TECRL: variants seen among roughly 807,000 people sequenced by gnomAD.
The protein encoded by TECRL is trans-2,3-enoyl-CoA reductase-like.
TECRL carries 63 observed loss-of-function variants against 52.8 expected under a neutral mutation model. The observed-to-expected ratio is 1.19, with a 90% CI of 0.97 to 1.47. The LOEUF (loss-of-function observed/expected upper bound fraction) is 1.47, where lower values mean the gene tolerates loss of function less well. TECRL is among the 40% of genes most tolerant of loss of function. The probability of loss-of-function intolerance (pLI) is 0.00; values close to 1 mark genes in which losing one functional copy is unlikely to be tolerated. For missense variants in TECRL, 482 were observed against 429.6 expected, an observed-to-expected ratio of 1.12 and a Z score of -1.08; for synonymous variants, 164 against 141.9, an observed-to-expected ratio of 1.16 and a Z score of -1.10.
chr4:64,317,971 C>T (rs1321590489), intron 4 of TECRL, among the ~76,000 whole-genome samples: 2 of 152,050 alleles, frequency 1.3e-5, no homozygotes, highest in African/African-American at 4.8e-5. Flanking sequence ...ATGAAGGTGG[C>T]CTCATAAAAC....
intron 5 of TECRL, 41 bp from the exon 6 acceptor site, chr4:64,309,972 A>C: frequency 7.4e-7 from 1 of 1,358,832 alleles, no homozygotes; most frequent in Non-Finnish European, 1.0e-6. Flanking sequence ...AATCCTTTTG[A>C]AGTTCTGGCT....
At chr4:64,286,371 C>T (rs543109087) in intron 9 of TECRL, among the ~76,000 whole-genome samples, 1 of 151,658 alleles carries the variant, frequency 6.6e-6, no homozygotes, top group African/African-American at 2.4e-5. Flanking sequence ...GGATATTAAG[C>T]AGATAAAAAG....
In TECRL at chr4:64,372,066, G is replaced by T. The variant is rs185980297; in HGVS notation, c.286+3106C>A. On this transcript the variant is annotated intron_variant, in intron 2 of 11. Coordinates refer to ENST00000381210, the MANE Select transcript of TECRL (RefSeq NM_001010874.5). ...CTAATAATTCTTTATTTTTCAGCTA[G>T]GTTTTTAAAATAATGTACAATTCCT... Among the ~76,000 whole-genome samples the T allele has an allele frequency of 7.3e-4, 111 of 151,738 alleles. 1 individual carries two copies. The highest frequency in any genetic ancestry group is 3.4e-3 in the Middle Eastern group (1 of 292).
chr4:64,333,984 A>G (rs1158075738), intron 2 of TECRL, among the ~76,000 whole-genome samples: 4 of 106,638 alleles, frequency 3.8e-5, no homozygotes, highest in Non-Finnish European at 5.4e-5. Context: ...AGATTGCGCC[A>G]CTGCAGTCCG....
chr4:64,348,454 TCACC>T (rs2109561420), intron 2 of TECRL, among the ~76,000 whole-genome samples: 1 of 152,310 alleles, frequency 6.6e-6, no homozygotes, highest in African/African-American at 2.4e-5. Flanking sequence ...CCATATAACT[TCACC>T]ATTGCCATTC....
At chr4:64,277,107 C>T, downstream of TECRL, 5 of 1,283,136 alleles carry the variant, frequency 3.9e-6, no homozygotes, top group Middle Eastern at 2.0e-4. Context: ...TTAAGATATC[C>T]TTTAACTAAG....
At chr4:64,399,274 A>G (rs1724176510) in intron 1 of TECRL, among the ~76,000 whole-genome samples, 1 of 152,188 alleles carries the variant, frequency 6.6e-6, no homozygotes, top group African/African-American at 2.4e-5. Context: ...TACTTCTCAT[A>G]GCCTAATTTC....
chr4:64,378,731 C>T (rs1423741597), intron 1 of TECRL, among the ~76,000 whole-genome samples: 5 of 151,808 alleles, frequency 3.3e-5, no homozygotes, highest in African/African-American at 4.8e-5. Context: ...AAATTGACAG[C>T]GCACAGTGAA....
intron 2 of TECRL, among the ~76,000 whole-genome samples, chr4:64,362,781 G>A (rs1052421473): frequency 2.6e-5 from 4 of 151,922 alleles, no homozygotes; most frequent in Non-Finnish European, 4.4e-5. Context: ...CTAAAAACAA[G>A]TGTACAATCA....
chr4:64,281,454 T>G lies in TECRL; in HGVS notation c.918+20A>C. On this transcript the variant is annotated intron_variant, in intron 10 of 11. Coordinates refer to ENST00000381210, the MANE Select transcript of TECRL (RefSeq NM_001010874.5). ...ATATCATGAATAGGATTCAAGCATT[T>G]ACATACATAAATAACATACCTCATA... is the stretch of plus-strand genomic sequence containing the variant. 1 of 1,436,164 alleles carries G rather than the reference T, an allele frequency of 7.0e-7. No homozygotes were observed. The highest frequency in any genetic ancestry group is 9.7e-7 in the Non-Finnish European group (1 of 1,030,802). The allele number at this position is 1,436,164 out of a possible 1,614,324, so 89.0% of individuals were successfully genotyped here. A position where few individuals can be genotyped will look rare whatever the true frequency, so the allele number is the denominator to read the frequency against.
In TECRL at chr4:64,408,564, T is replaced by C. The variant is rs540110784; in HGVS notation, c.234+554A>G. Among the ~76,000 whole-genome samples, 5 of 152,148 alleles carry C rather than the reference T, an allele frequency of 3.3e-5. 1 individual carries two copies. Among genetic ancestry groups the C allele is most frequent in the African/African-American group, 1.2e-4 (5 of 41,554 alleles). ...AAAACATTATTTTCATGAACTTAAA[T>C]AGTGTTTTTGAAGCAAGTAAACTTT... is the stretch of plus-strand genomic sequence containing the variant. On this transcript the variant is annotated intron_variant, in intron 1 of 11. Coordinates refer to ENST00000381210, the MANE Select transcript of TECRL (RefSeq NM_001010874.5).
At chr4:64,295,611 C>A (rs1402214766) in intron 8 of TECRL, among the ~76,000 whole-genome samples, 1 of 151,608 alleles carries the variant, frequency 6.6e-6, no homozygotes. Flanking sequence ...AGTTTACATA[C>A]ACTAACTCTG....
At chr4:64,332,273 T>C (rs1718693285) in intron 2 of TECRL, among the ~76,000 whole-genome samples, 1 of 152,302 alleles carries the variant, frequency 6.6e-6, no homozygotes, top group East Asian at 1.9e-4. Flanking sequence ...TTTCAGTAGT[T>C]ACCCTTAAAT....
chr4:64,303,171 TAGAA>T (rs1477780648), intron 7 of TECRL, among the ~76,000 whole-genome samples: 2 of 151,396 alleles, frequency 1.3e-5, no homozygotes, highest in Non-Finnish European at 3.0e-5. Flanking sequence ...ATTAAAGACT[TAGAA>T]AGTGATAAGA....
At chr4:64,344,618 A>G (rs1719820461) in intron 2 of TECRL, among the ~76,000 whole-genome samples, 1 of 152,218 alleles carries the variant, frequency 6.6e-6, no homozygotes, top group Non-Finnish European at 1.5e-5. Context: ...AACAAAGTGT[A>G]ATTTAAAATT....
At chr4:64,359,024 A>G (rs984418222) in intron 2 of TECRL, among the ~76,000 whole-genome samples, 2 of 151,880 alleles carry the variant, frequency 1.3e-5, no homozygotes, top group Admixed American at 6.6e-5. Context: ...TTAAAAGCTC[A>G]TGTATTTATT....
chr4:64,337,915 G>A (rs1282291731), intron 2 of TECRL, among the ~76,000 whole-genome samples: 2 of 152,088 alleles, frequency 1.3e-5, no homozygotes, highest in African/African-American at 4.8e-5. Context: ...TTTCTTCACA[G>A]AATTGGAAAA....
intron 4 of TECRL, among the ~76,000 whole-genome samples, chr4:64,315,969 C>T (rs1336279956): frequency 6.8e-6 from 1 of 148,068 alleles, no homozygotes; most frequent in Non-Finnish European, 1.5e-5. Context: ...ATTTGAGAGA[C>T]TGTAGTAATT....
chr4:64,369,428 T>C lies in TECRL; in HGVS notation c.286+5744A>G, dbSNP rs565507228. On this transcript the variant is annotated intron_variant, in intron 2 of 11. Coordinates refer to ENST00000381210, the MANE Select transcript of TECRL (RefSeq NM_001010874.5). Reference sequence around the variant, plus strand: ...GTGAACTATGTTCAGATTTACTGTGTTATTATTCATTACATAATTTCTAAA... The same window carrying C: ...GTGAACTATGTTCAGATTTACTGTGCTATTATTCATTACATAATTTCTAAA... Among the ~76,000 whole-genome samples the C allele has an allele frequency of 2.0e-5, 3 of 152,268 alleles. No homozygotes were observed. The South Asian group carries it at 6.2e-4, about 32-fold the overall frequency.
Sources: allele counts gnomAD v4.1 joint callset (sites outside exome capture counted in the v4.1 genomes callset), GRCh38; gene constraint gnomAD v4.1.1; transcripts MANE v1.5; gene names NCBI Gene and HGNC (gene_info 2026-07-23, HGNC 2026-07-21).